HOXB9: variants seen among roughly 807,000 people sequenced by gnomAD.
HOXB9 encodes the protein homeobox protein Hox-B9.
A neutral mutation model predicts 21.5 loss-of-function variants in HOXB9; 10 were observed. The ratio of observed to expected loss-of-function variants is 0.47; its 90% CI spans 0.29 to 0.79. The LOEUF is 0.79. Among genes scored for constraint, HOXB9 ranks in the 30% least tolerant of loss-of-function variants. The probability of loss-of-function intolerance (pLI) is 0.10; values close to 1 mark genes in which losing one functional copy is unlikely to be tolerated. For synonymous variants in HOXB9, 156 were observed against 151.2 expected (o/e 1.03, Z -0.23); for missense variants, 375 against 338.7 (o/e 1.11, Z -0.84).
intron 1 of HOXB9, among the ~76,000 whole-genome samples, chr17:48,625,280 G>T (rs1038821932): frequency 6.6e-6 from 1 of 152,232 alleles, no homozygotes; most frequent in Non-Finnish European, 1.5e-5. Flanking sequence ...CCCCTTGGCC[G>T]GCTTTTACGG....
intron 1 of HOXB9, among the ~76,000 whole-genome samples, chr17:48,623,718 C>A (rs907785418): frequency 1.3e-5 from 2 of 152,188 alleles, no homozygotes; most frequent in African/African-American, 2.4e-5. Context: ...AATCTCCCCC[C>A]CTGCCACCAC....
chr17:48,625,601 T>C, intron 1 of HOXB9, 152 bp downstream of exon 1: 2 of 952,346 alleles, frequency 2.1e-6, no homozygotes, highest in Non-Finnish European at 3.0e-6. Context: ...TCCCCTTCCC[T>C]CCGTCTTTCC....
intron 1 of HOXB9, among the ~76,000 whole-genome samples, chr17:48,624,925 C>T (rs1017289796): frequency 6.6e-6 from 1 of 152,192 alleles, no homozygotes; most frequent in Non-Finnish European, 1.5e-5. Context: ...TCCCCGGGGT[C>T]CCTTCGAGAT....
rs867707229 is a variant in HOXB9 at position 48,626,008 on chromosome 17, G to C, written c.262C>G (p.Pro88Ala). Reference sequence around the variant, plus strand: ...CGGAGGTACCTGCTCTCGGCCGGCGGGACGCCCTGGGGCTGGATGTAAGGG... The same window carrying C: ...CGGAGGTACCTGCTCTCGGCCGGCGCGACGCCCTGGGGCTGGATGTAAGGG... The part of the protein sequence containing the change: ...YHPYIQPQGV[P>A]PAESRYLRTW... Residue 88 changes from proline (P) to alanine (A), a missense_variant, in exon 1 of 2, where the codon CCG becomes GCG. Transcript: ENST00000311177. 2 of 1,565,260 alleles carry C rather than the reference G, an allele frequency of 1.3e-6. No homozygotes were observed. The highest frequency in any genetic ancestry group is 3.8e-5 in the Admixed American group (2 of 53,254).
At chr17:48,624,065 G>A (rs927643797) in intron 1 of HOXB9, among the ~76,000 whole-genome samples, 3 of 152,154 alleles carry the variant, frequency 2.0e-5, no homozygotes, top group Non-Finnish European at 4.4e-5. Flanking sequence ...GAGGGTAACC[G>A]AGTGGAAGAG....
In HOXB9 at chr17:48,621,274, C is replaced by A. The variant is rs1203631943; in HGVS notation, c.*1626G>T. On this transcript the variant is annotated 3_prime_UTR_variant, in exon 2 of 2. Transcript: ENST00000311177. ...CCCACCCAGAACCCTCCCATATAATCGACAACTGAAAACAAGCGAGACAAT... is the reference window on the plus strand; with the variant it reads ...CCCACCCAGAACCCTCCCATATAATAGACAACTGAAAACAAGCGAGACAAT... 1 of 144,198 alleles carries A rather than the reference C, an allele frequency of 6.9e-6. No individual in the cohort carries two copies. 8.9% of individuals were successfully genotyped at this position (144,198 alleles called of 1,614,324 possible).
At position 48,622,839 on chromosome 17, in the gene HOXB9, G is replaced by C. The variant is rs371341813; in HGVS notation, c.*61C>G. On this transcript the variant is annotated 3_prime_UTR_variant, in exon 2 of 2. Transcript: ENST00000311177. Reference sequence around the variant, plus strand: ...CCCAGACAGCACTGGCTTTGCAGTCGTCACATAACTAAGAGTGAGATGGGG... The same window carrying C: ...CCCAGACAGCACTGGCTTTGCAGTCCTCACATAACTAAGAGTGAGATGGGG... 11 of 1,279,104 alleles carry C rather than the reference G, an allele frequency of 8.6e-6. No homozygotes were observed. The highest frequency in any genetic ancestry group is 2.5e-5 in the South Asian group (2 of 79,128). The allele number at this position is 1,279,104 out of a possible 1,614,324, so 79.2% of individuals were successfully genotyped here. A position where few individuals can be genotyped will look rare whatever the true frequency, so the allele number is the denominator to read the frequency against.
At position 48,625,711 on chromosome 17, in the gene HOXB9, C is replaced by T. The variant is rs148177888; in HGVS notation, c.517+42G>A. 1,806 of 1,437,122 alleles carry T rather than the reference C, an allele frequency of 1.3e-3. 24 individuals are homozygous for T. In the African/African-American group the frequency reaches 0.024, roughly 19 times the overall value. The allele number at this position is 1,437,122 out of a possible 1,614,324, so 89.0% of individuals were successfully genotyped here. A position where few individuals can be genotyped will look rare whatever the true frequency, so the allele number is the denominator to read the frequency against. On this transcript the variant is annotated intron_variant, in intron 1 of 1. Coordinates refer to ENST00000311177, the MANE Select transcript of HOXB9 (RefSeq NM_024017.5). ...TGCCTTTCCCCTCCCCGCCCCCCTC[C>T]TGGCCTTCGGCCTGGGTATTTCCTC...
At chr17:48,623,543 G>A (rs2070788044) in intron 1 of HOXB9, among the ~76,000 whole-genome samples, 1 of 152,198 alleles carries the variant, frequency 6.6e-6, no homozygotes, top group African/African-American at 2.4e-5. Context: ...GAGAGGAGGA[G>A]TTGGGTGGGG....
Position 48,623,009 on chromosome 17 carries a change from C to T in HOXB9, c.644G>A (p.Arg215Lys). ...LFNMYLTRDR[R>K]HEVARLLNLS... ...ATTGAGGAGTCTGGCCACTTCGTGC[C>T]TACGGTCCCTGGTGAGGTACATATT... The change falls in exon 2 of 2, where the codon AGG becomes AAG. Residue 215 changes from arginine to lysine, a missense_variant. Transcript: ENST00000311177. The T allele has an allele frequency of 2.5e-6, 4 of 1,614,238 alleles. No homozygotes were observed. The highest frequency in any genetic ancestry group is 2.5e-6 in the Non-Finnish European group (3 of 1,180,020).
rs751601862 is a variant in HOXB9, at chr17:48,625,954, C to G, written c.316G>C (p.Glu106Gln). 5 of 1,485,184 alleles carry G rather than the reference C, an allele frequency of 3.4e-6. No individual in the cohort carries two copies. Among genetic ancestry groups the G allele is most frequent in the Non-Finnish European group, 4.4e-6 (5 of 1,128,892 alleles). 92.0% of individuals were successfully genotyped at this position (1,485,184 alleles called of 1,614,324 possible). The change falls in exon 1 of 2, where the codon GAA (glutamate) becomes CAA (glutamine). Residue 106 changes from glutamate (E) to glutamine (Q), a missense_variant. Physicochemically the swap from Glu to Gln is conservative, Grantham distance 29 (BLOSUM62 2). Transcript: ENST00000311177. ...GCCTGGCCCTGCCCCGGGGCCGCTT[C>G]GCCGCGCGGCGCCGGCTCCAGCCAG... is the stretch of plus-strand genomic sequence containing the variant. ...RTWLEPAPRG[E>Q]AAPGQGQAAV...
rs1038930282 is a variant in HOXB9, at chr17:48,622,608, A to G, written c.*292T>C. ...ACTTCCCAGAAAAATTACAGGGCAT[A>G]CTAGGAGCTTGACTGGGGTCTCTCT... is the stretch of plus-strand genomic sequence containing the variant. On this transcript the variant is annotated 3_prime_UTR_variant, in exon 2 of 2. Coordinates refer to ENST00000311177, the MANE Select transcript of HOXB9 (RefSeq NM_024017.5). The G allele has an allele frequency of 3.0e-6, 1 of 332,614 alleles. No homozygotes were observed. Among genetic ancestry groups the G allele is most frequent in the Admixed American group, 4.5e-5 (1 of 22,282 alleles). 20.6% of individuals were successfully genotyped at this position (332,614 alleles called of 1,614,324 possible).
rs1273252969 is a variant in HOXB9, at chr17:48,625,817, T to C, written c.453A>G (p.Gln151=). The C allele has an allele frequency of 6.2e-7, 1 of 1,609,858 alleles. No individual in the cohort carries two copies. Among genetic ancestry groups the C allele is most frequent in the Non-Finnish European group, 8.5e-7 (1 of 1,178,392 alleles). Residue 151 remains glutamine, a synonymous_variant, in exon 1 of 2, where the codon CAA becomes CAG. Coordinates refer to ENST00000311177, the MANE Select transcript of HOXB9 (RefSeq NM_024017.5). ...TTTTATTGTCCCCGTAGCCGGGTCT[T>C]TGATTAGACAGCACGGCCTCCCTGC... ...SAGREAVLSN[Q]RPGYGDNKIC...
chr17:48,626,095 A>G lies in HOXB9; in HGVS notation c.175T>C (p.Phe59Leu). 1 of 1,578,256 alleles carries G rather than the reference A, an allele frequency of 6.3e-7. No individual in the cohort carries two copies. The highest frequency in any genetic ancestry group is 2.3e-5 in the East Asian group (1 of 44,110). The change falls in exon 1 of 2, where the codon TTC becomes CTC. Residue 59 changes from phenylalanine (F) to leucine (L), a missense_variant. Coordinates refer to ENST00000311177, the MANE Select transcript of HOXB9 (RefSeq NM_024017.5). Reference sequence around the variant, plus strand: ...CTCAGCGGCGCCCAGGAGGCGCCGAACACCGGCGCTTTGGGCTGGAAGCTG... The same window carrying G: ...CTCAGCGGCGCCCAGGAGGCGCCGAGCACCGGCGCTTTGGGCTGGAAGCTG... ...SCSFQPKAPVFGASWAPLSPH... is the reference protein window; with the variant it reads ...SCSFQPKAPVLGASWAPLSPH...
chr17:48,622,179 T>C lies in HOXB9; in HGVS notation c.*721A>G, dbSNP rs2070776029. On this transcript the variant is annotated 3_prime_UTR_variant, in exon 2 of 2. Coordinates refer to ENST00000311177, the MANE Select transcript of HOXB9 (RefSeq NM_024017.5). ...GCTTCATAAAACCACGTGCTGCCTT[T>C]TCTTGTACTTTCTAGCCCACCGGCT... 6.6e-6 allele frequency: 1 copy of C among 152,576 alleles called. No homozygotes were observed. Among genetic ancestry groups the C allele is most frequent in the Admixed American group, 6.5e-5 (1 of 15,280 alleles). The allele number at this position is 152,576 out of a possible 1,614,324, so 9.5% of individuals were successfully genotyped here.
Position 48,623,047 on chromosome 17 carries a change from C to T in HOXB9, c.606G>A (p.Lys202=), listed in dbSNP as rs747382634. Reference sequence around the variant, plus strand: ...TGAGGTACATATTGAACAGAAACTCCTTCTCTAGCTCCAGCGTCTGGTATT... The same window carrying T: ...TGAGGTACATATTGAACAGAAACTCTTTCTCTAGCTCCAGCGTCTGGTATT... ...YTKYQTLELE[K]EFLFNMYLTR... The change falls in exon 2 of 2, where the codon AAG becomes AAA. Residue 202 remains lysine, a synonymous_variant. Transcript: ENST00000311177. 6 of 1,614,240 alleles carry T rather than the reference C, an allele frequency of 3.7e-6. No individual in the cohort carries two copies. The highest frequency in any genetic ancestry group is 5.1e-6 in the Non-Finnish European group (6 of 1,180,042).
intron 1 of HOXB9, among the ~76,000 whole-genome samples, chr17:48,623,699 C>T (rs751285170): frequency 6.6e-6 from 1 of 152,186 alleles, no homozygotes; most frequent in Non-Finnish European, 1.5e-5. Context: ...GCATGTGTGT[C>T]TGCGTAGAAA....
Position 48,622,986 on chromosome 17 carries a change from T to A in HOXB9, c.667A>T (p.Asn223Tyr). ...DRRHEVARLL[N>Y]LSERQVKIWF... is the part of the protein sequence containing the mutation. Reference sequence around the variant, plus strand: ...ATTTTGACTTGTCTCTCACTCAGATTGAGGAGTCTGGCCACTTCGTGCCTA... The same window carrying A: ...ATTTTGACTTGTCTCTCACTCAGATAGAGGAGTCTGGCCACTTCGTGCCTA... Residue 223 changes from asparagine (N) to tyrosine (Y), a missense_variant, in exon 2 of 2, where the codon AAT becomes TAT. Physicochemically the swap from Asn to Tyr is moderately radical, Grantham distance 143. Transcript: ENST00000311177. 1 of 1,614,236 alleles carries A rather than the reference T, an allele frequency of 6.2e-7. No individual in the cohort carries two copies. The highest frequency in any genetic ancestry group is 8.5e-7 in the Non-Finnish European group (1 of 1,180,026).
chr17:48,626,041 C>A lies in HOXB9; in HGVS notation c.229G>T (p.Val77Phe), dbSNP rs374153636. 2.9e-5 allele frequency: 45 copies of A among 1,578,326 alleles called. No homozygotes were observed. The East Asian group carries it at 6.8e-4, about 24-fold the overall frequency. ...TGGGGCTGGATGTAAGGGTGGTAGA[C>A]GGACGGCAGGCTCCCGGACGCGTGC... is the stretch of plus-strand genomic sequence containing the variant. ...SPHASGSLPS[V>F]YHPYIQPQGV... is the part of the protein sequence containing the mutation. The change falls in exon 1 of 2, where the codon GTC becomes TTC. Residue 77 changes from valine (V) to phenylalanine (F), a missense_variant. Transcript: ENST00000311177.
Sources: allele counts gnomAD v4.1 joint callset (sites outside exome capture counted in the v4.1 genomes callset), GRCh38; gene constraint gnomAD v4.1.1; transcripts MANE v1.5; gene names NCBI Gene and HGNC (gene_info 2026-07-23, HGNC 2026-07-21).